VAX2: variants seen among roughly 807,000 people sequenced by gnomAD.
VAX2 encodes the protein ventral anterior homeobox 2.
VAX2 carries 8 observed loss-of-function variants against 12.5 expected under a neutral mutation model. That is an observed-to-expected ratio of 0.64 (90% CI 0.37 to 1.15). The LOEUF is 1.15. Among genes scored for constraint, VAX2 ranks in the 50% most tolerant of loss-of-function variants. The probability of loss-of-function intolerance (pLI) is 0.01; values close to 1 mark genes in which losing one functional copy is unlikely to be tolerated. For missense variants in VAX2, 476 were observed against 412.9 expected, an observed-to-expected ratio of 1.15 and a Z score of -1.32; for synonymous variants, 183 against 187.6, an observed-to-expected ratio of 0.98 and a Z score of 0.20.
rs149379663 is a variant in VAX2, at chr2:70,932,657, C to T, written c.436-110C>T. 437 of 251,804 alleles carry T rather than the reference C, an allele frequency of 1.7e-3. 3 individuals carry two copies. The highest frequency in any genetic ancestry group is 9.8e-3 in the African/African-American group (410 of 41,842). The allele number at this position is 251,804 out of a possible 1,614,324, so 15.6% of individuals were successfully genotyped here. On this transcript the variant is annotated intron_variant, in intron 2 of 2. Coordinates refer to ENST00000234392, the MANE Select transcript of VAX2 (RefSeq NM_012476.3). ...CTCACACCCCACCCCCACCCCCATC[C>T]ACCACCTGCCCCAACCCCATGCCCT...
intron 1 of VAX2, among the ~76,000 whole-genome samples, chr2:70,907,708 T>C (rs1253054403): frequency 2.6e-5 from 4 of 152,164 alleles, no homozygotes; most frequent in Non-Finnish European, 5.9e-5. Flanking sequence ...AGGATTTAAA[T>C]TCAAAAAGTA....
intron 2 of VAX2, among the ~76,000 whole-genome samples, chr2:70,928,733 C>T (rs1679626114): frequency 6.6e-6 from 1 of 152,232 alleles, no homozygotes; most frequent in African/African-American, 2.4e-5. Context: ...CCACTAGACC[C>T]TCAGCTTCCC....
chr2:70,900,883 C>A lies in VAX2; in HGVS notation c.247+15C>A. The A allele has an allele frequency of 7.2e-7, 1 of 1,386,770 alleles. No individual in the cohort carries two copies. The highest frequency in any genetic ancestry group is 9.4e-7 in the Non-Finnish European group (1 of 1,066,082). The allele number at this position is 1,386,770 out of a possible 1,614,324, so 85.9% of individuals were successfully genotyped here. A position where few individuals can be genotyped will look rare whatever the true frequency, so the allele number is the denominator to read the frequency against. ...ACTGGTGCGAGGTAAGGGGACAGCCCGCGGCCCTGCTCCACTGGACCCTCA... is the reference window on the plus strand; with the variant it reads ...ACTGGTGCGAGGTAAGGGGACAGCCAGCGGCCCTGCTCCACTGGACCCTCA... On this transcript the variant is annotated intron_variant, in intron 1 of 2. Transcript: ENST00000234392.
chr2:70,920,869 T>C (rs556877325), intron 1 of VAX2, among the ~76,000 whole-genome samples: 1 of 152,234 alleles, frequency 6.6e-6, no homozygotes, highest in South Asian at 2.1e-4. Flanking sequence ...CTGGCAGTTG[T>C]ACTGAGGCCT....
At chr2:70,906,856 G>C (rs1462662560) in intron 1 of VAX2, among the ~76,000 whole-genome samples, 1 of 152,180 alleles carries the variant, frequency 6.6e-6, no homozygotes, top group Non-Finnish European at 1.5e-5. Context: ...CGCTGAAGTC[G>C]AGGGGGCGGG....
intron 2 of VAX2, among the ~76,000 whole-genome samples, chr2:70,929,494 C>G (rs11896678): frequency 1.3e-5 from 2 of 152,164 alleles, no homozygotes; most frequent in Non-Finnish European, 2.9e-5. Flanking sequence ...CGAGACCAGC[C>G]TGGCCAACAT....
At chr2:70,919,899 C>A (rs768332901) in intron 1 of VAX2, among the ~76,000 whole-genome samples, 1 of 152,208 alleles carries the variant, frequency 6.6e-6, no homozygotes, top group East Asian at 1.9e-4. Context: ...GTGCTTAGAA[C>A]AGTGACTGGC....
At chr2:70,901,312 T>A (rs1335421451) in intron 1 of VAX2, among the ~76,000 whole-genome samples, 3 of 152,168 alleles carry the variant, frequency 2.0e-5, no homozygotes, top group Non-Finnish European at 4.4e-5. Flanking sequence ...GCGGCCGGGG[T>A]GCTTCCTCGC....
At chr2:70,918,084 G>A (rs368167873) in intron 1 of VAX2, among the ~76,000 whole-genome samples, 49 of 152,302 alleles carry the variant, frequency 3.2e-4, no homozygotes, top group African/African-American at 1.1e-3. Flanking sequence ...ATTGGAGTTG[G>A]GGAGCTTGAG....
intron 2 of VAX2, among the ~76,000 whole-genome samples, chr2:70,924,994 A>G (rs1679537191): frequency 6.6e-6 from 1 of 152,160 alleles, no homozygotes; most frequent in South Asian, 2.1e-4. Context: ...GGCAAGGGAG[A>G]AACAGCCAGA....
chr2:70,918,863 C>CAAA (rs531465293), intron 1 of VAX2, among the ~76,000 whole-genome samples: 1 of 99,462 alleles, frequency 1.0e-5, no homozygotes, highest in African/African-American at 4.0e-5. Context: ...CCAGCCGTCT[C>CAAA]AAAAAAAAAA....
chr2:70,906,399 A>G (rs539303739), intron 1 of VAX2, among the ~76,000 whole-genome samples: 1 of 152,112 alleles, frequency 6.6e-6, no homozygotes, highest in Non-Finnish European at 1.5e-5. Context: ...TGCCAGACTG[A>G]AGGAGTGTGC....
chr2:70,915,600 TA>T (rs1679292020), intron 1 of VAX2, among the ~76,000 whole-genome samples: 1 of 152,240 alleles, frequency 6.6e-6, no homozygotes, highest in Non-Finnish European at 1.5e-5. Context: ...CATCCTCCTA[TA>T]TTTTTTTGTA....
chr2:70,933,207 C>T lies in VAX2; in HGVS notation c.*3C>T. The T allele has an allele frequency of 6.6e-7, 1 of 1,511,810 alleles. No individual in the cohort carries two copies. The highest frequency in any genetic ancestry group is 1.4e-5 in the African/African-American group (1 of 71,762). 93.6% of individuals were successfully genotyped at this position (1,511,810 alleles called of 1,614,324 possible). On this transcript the variant is annotated 3_prime_UTR_variant, in exon 3 of 3. Coordinates refer to ENST00000234392, the MANE Select transcript of VAX2 (RefSeq NM_012476.3). Reference sequence around the variant, plus strand: ...GCTGCAAGAAAGCTAACACTTAAGACTCCCACCCTGTGACACTGAGTCCCG... The same window carrying T: ...GCTGCAAGAAAGCTAACACTTAAGATTCCCACCCTGTGACACTGAGTCCCG...
chr2:70,904,299 A>AG lies in VAX2; in HGVS notation c.247+3434dup, dbSNP rs1553410251. 6.6e-6 allele frequency among the ~76,000 whole-genome samples: 1 copy of AG among 152,208 alleles called. No homozygotes were observed. The highest frequency in any genetic ancestry group is 2.4e-5 in the African/African-American group (1 of 41,466). On this transcript the variant is annotated intron_variant, in intron 1 of 2. Coordinates refer to ENST00000234392, the MANE Select transcript of VAX2 (RefSeq NM_012476.3). This position sits in a 1 kb window ranked among gnomAD's most constrained non-coding sequence, Gnocchi z 4.2. ...GCCTGAGCCGTGGCTCAAACAGCAC[A>AG]GGGCAGTGGCCGAGCACCAGGCTTT... is the stretch of plus-strand genomic sequence containing the variant.
chr2:70,931,990 A>C (rs72832761), intron 2 of VAX2, among the ~76,000 whole-genome samples: 35,047 of 152,184 alleles, frequency 0.23, 4,938 homozygotes, highest in Non-Finnish European at 0.32. Flanking sequence ...AAACTACTAA[A>C]GTCTGGGTCC....
chr2:70,902,037 G>T (rs1269788499), intron 1 of VAX2, among the ~76,000 whole-genome samples: 6 of 152,244 alleles, frequency 3.9e-5, no homozygotes, highest in South Asian at 4.1e-4. Context: ...CTCCGCCTGG[G>T]GAAGGCGAAC....
Position 70,932,752 on chromosome 2 carries a change from CT to C in VAX2, c.436-14del. The C allele has an allele frequency of 6.6e-7, 1 of 1,523,694 alleles. No individual in the cohort carries two copies. The highest frequency in any genetic ancestry group is 8.8e-7 in the Non-Finnish European group (1 of 1,133,458). The allele number at this position is 1,523,694 out of a possible 1,614,324, so 94.4% of individuals were successfully genotyped here. ...GTCCCATCTCCCTCCTTGACACCCC[CT>C]CCCCCACCCCAAGGTGAAGGTCTGG... On this transcript the variant is annotated splice_polypyrimidine_tract_variant and intron_variant, in intron 2 of 2. Transcript: ENST00000234392.
chr2:70,916,815 G>A (rs1679315188), intron 1 of VAX2, among the ~76,000 whole-genome samples: 2 of 152,112 alleles, frequency 1.3e-5, no homozygotes, highest in Non-Finnish European at 2.9e-5. Flanking sequence ...AAATAAAGCT[G>A]CTATGATCAT....
Sources: gnomAD v4.1 joint callset for allele counts (sites outside exome capture counted in the v4.1 genomes callset) on GRCh38, gnomAD v4.1.1 for gene constraint, Gnocchi (gnomAD v3.1) non-coding constraint, MANE v1.5 for transcripts, NCBI Gene and HGNC (gene_info 2026-07-23, HGNC 2026-07-21) for gene names.